The following PTPRT variants were observed in gnomAD, a reference collection of about 807,000 sequenced individuals.
PTPRT encodes the protein receptor-type tyrosine-protein phosphatase T.
Under a neutral mutation model 176.8 loss-of-function variants are expected in PTPRT, and 56 were observed. The ratio of observed to expected loss-of-function variants is 0.32; its 90% CI spans 0.26 to 0.40. The LOEUF (loss-of-function observed/expected upper bound fraction) is 0.40. PTPRT is among the 10% of genes least tolerant of loss of function. PTPRT has a pLI of 1.00. For synonymous variants in PTPRT, 783 were observed against 739.0 expected (o/e 1.06, Z -0.96); for missense variants, 1,540 against 1,908.2 (o/e 0.81, Z 3.60).
At chr20:42,343,041 C>T (rs750983037) in intron 11 of PTPRT, among the ~76,000 whole-genome samples, 1 of 151,976 alleles carries the variant, frequency 6.6e-6, no homozygotes, top group Non-Finnish European at 1.5e-5. Context: ...TCTTTCATAC[C>T]CCTGGTCCTC....
chr20:42,079,461 T>C lies in PTPRT; in HGVS notation c.*1418A>G. 1 of 221,108 alleles carries C rather than the reference T, an allele frequency of 4.5e-6. No homozygotes were observed. The allele number at this position is 221,108 out of a possible 1,614,324, so 13.7% of individuals were successfully genotyped here. On this transcript the variant is annotated 3_prime_UTR_variant, in exon 31 of 31. Transcript: ENST00000373187. ...GCGTGGGTTTCCTCATTGGAGGAGA[T>C]GATCAAATGGAGATGATAACAAGTC...
intron 9 of PTPRT, among the ~76,000 whole-genome samples, chr20:42,385,172 G>T (rs1464924294): frequency 2.0e-5 from 3 of 152,084 alleles, no homozygotes; most frequent in African/African-American, 4.8e-5. Flanking sequence ...CCAATGTCAT[G>T]GAGCTTTCCC....
In PTPRT at chr20:42,677,912, A is replaced by AC; in HGVS notation, c.1106dup (p.Thr370TyrfsTer50). 6.2e-7 allele frequency: 1 copy of AC among 1,613,576 alleles called. No individual in the cohort carries two copies. Among genetic ancestry groups the AC allele is most frequent in the Non-Finnish European group, 8.5e-7 (1 of 1,179,948 alleles). On this transcript the variant is annotated frameshift_variant, in exon 7 of 31. Transcript: ENST00000373187. LOFTEE classifies it high-confidence loss of function. ...TGAGGGGAGGCCCTGGCGGTCCCGT[A>AC]CCCCCCTCACCTGGTCGTGTGAGGA...
At chr20:42,593,929 T>C (rs913321953) in intron 7 of PTPRT, among the ~76,000 whole-genome samples, 23 of 152,122 alleles carry the variant, frequency 1.5e-4, no homozygotes, top group Non-Finnish European at 1.5e-5. Flanking sequence ...GGCCAGCAGG[T>C]CTATGGTTCA....
chr20:42,350,237 T>G (rs201765783), intron 11 of PTPRT, among the ~76,000 whole-genome samples: 38 of 80,812 alleles, frequency 4.7e-4, no homozygotes, highest in East Asian at 2.8e-3. Context: ...TTTTTTTTTT[T>G]TTTTTTTTTG....
At chr20:42,353,492 C>T (rs181798638) in intron 9 of PTPRT, among the ~76,000 whole-genome samples, 4 of 152,268 alleles carry the variant, frequency 2.6e-5, no homozygotes, top group Non-Finnish European at 4.4e-5. Flanking sequence ...GTGAGTTCAG[C>T]AATAACCAAA....
At chr20:42,645,096 T>A (rs1010468757) in intron 7 of PTPRT, among the ~76,000 whole-genome samples, 8 of 152,162 alleles carry the variant, frequency 5.3e-5, no homozygotes, top group African/African-American at 1.7e-4. Flanking sequence ...ACTGTAGAAT[T>A]TGGCTATAGA....
chr20:42,231,301 A>G (rs2056130369), intron 15 of PTPRT, among the ~76,000 whole-genome samples: 1 of 152,194 alleles, frequency 6.6e-6, no homozygotes, highest in Non-Finnish European at 1.5e-5. Flanking sequence ...AGGGCTTAGT[A>G]AGAAGAATGG....
At chr20:42,034,198 A>T in the PTPRT span, among the ~76,000 whole-genome samples, 1 of 152,162 alleles carries the variant, frequency 6.6e-6, no homozygotes, top group African/African-American at 2.4e-5. Context: ...TGAAGGATCA[A>T]CTGGAGAAAT....
intron 1 of PTPRT, among the ~76,000 whole-genome samples, chr20:43,106,420 G>A (rs568519216): frequency 1.6e-4 from 25 of 152,292 alleles, no homozygotes; most frequent in Non-Finnish European, 1.8e-4. Flanking sequence ...CACTTTGGGA[G>A]GCCAAGGTGG....
At chr20:42,759,656 C>A (rs894931666) in intron 5 of PTPRT, among the ~76,000 whole-genome samples, 1 of 152,206 alleles carries the variant, frequency 6.6e-6, no homozygotes, top group Non-Finnish European at 1.5e-5. Context: ...AGATAAGGCC[C>A]TTATCTACCA....
At chr20:42,325,699 C>G (rs78833954) in intron 11 of PTPRT, among the ~76,000 whole-genome samples, 1 of 152,156 alleles carries the variant, frequency 6.6e-6, no homozygotes, top group African/African-American at 2.4e-5. Flanking sequence ...AAAACAGTGG[C>G]TAGAATGACT....
intron 1 of PTPRT, among the ~76,000 whole-genome samples, chr20:42,993,897 T>G (rs1984088093): frequency 1.3e-5 from 2 of 152,064 alleles, no homozygotes; most frequent in Admixed American, 6.6e-5. Context: ...TAAGCCCTGT[T>G]GAGATATCCT....
At chr20:42,846,011 C>T (rs531576637) in intron 2 of PTPRT, among the ~76,000 whole-genome samples, 2 of 152,206 alleles carry the variant, frequency 1.3e-5, no homozygotes, top group Non-Finnish European at 2.9e-5. Context: ...GCTGAGCATC[C>T]TGCAGCCCCC....
chr20:42,634,116 A>ATATAATATAATAATAT (rs1569039249), intron 7 of PTPRT, among the ~76,000 whole-genome samples: 5 of 55,980 alleles, frequency 8.9e-5, no homozygotes, highest in African/African-American at 6.1e-4. Context: ...ATAATAATAT[A>ATATAATATAATAATAT]ATATATTATA....
intron 17 of PTPRT, among the ~76,000 whole-genome samples, chr20:42,145,798 A>G (rs1008745500): frequency 1.3e-5 from 2 of 152,174 alleles, no homozygotes; most frequent in Non-Finnish European, 2.9e-5. Flanking sequence ...CTAGCTATTA[A>G]TGGGTCATAA....
intron 1 of PTPRT, among the ~76,000 whole-genome samples, chr20:42,959,828 T>C (rs1253149751): frequency 6.6e-6 from 1 of 152,098 alleles, no homozygotes; most frequent in African/African-American, 2.4e-5. Context: ...TCCTAAGTCC[T>C]TAGGGGGGAG....
intron 1 of PTPRT, among the ~76,000 whole-genome samples, chr20:43,126,878 A>G (rs1034124318): frequency 2.0e-5 from 3 of 152,176 alleles, no homozygotes; most frequent in African/African-American, 7.2e-5. Flanking sequence ...CTTCTTCTCA[A>G]CCTGGGTCCC....
At chr20:42,526,949 C>CT (rs1568950900) in intron 7 of PTPRT, among the ~76,000 whole-genome samples, 20 of 113,634 alleles carry the variant, frequency 1.8e-4, no homozygotes, top group African/African-American at 5.5e-4. Context: ...CTTCTTGGTT[C>CT]TTTTTTCTTT....
Sources: gnomAD v4.1 joint callset for allele counts (sites outside exome capture counted in the v4.1 genomes callset) on GRCh38, gnomAD v4.1.1 for gene constraint, MANE v1.5 for transcripts, NCBI Gene and HGNC (gene_info 2026-07-23, HGNC 2026-07-21) for gene names.